The following PALLD variants were observed in gnomAD, a reference collection of about 807,000 sequenced individuals.
PALLD encodes palladin, cytoskeletal associated protein, also known as palladin.
A neutral mutation model predicts 123.5 loss-of-function variants in PALLD; 61 were observed. The observed-to-expected ratio is 0.49, with a 90% CI of 0.40 to 0.61. PALLD has a LOEUF of 0.61. Among genes scored for constraint, PALLD ranks in the 20% least tolerant of loss-of-function variants. The pLI is 0.00. For missense variants in PALLD, 1,273 were observed against 1,377.0 expected, an observed-to-expected ratio of 0.92 and a Z score of 1.20; for synonymous variants, 465 against 496.4, an observed-to-expected ratio of 0.94 and a Z score of 0.84.
At chr4:168,811,766 TCTCTCTCTCTCACA>T (rs1741161211) in intron 10 of PALLD, among the ~76,000 whole-genome samples, 8 of 94,394 alleles carry the variant, frequency 8.5e-5, no homozygotes, top group African/African-American at 3.0e-4. Flanking sequence ...TTTCTCTCTC[TCTCTCTCTCTCACA>T]CACACACACA....
At chr4:168,664,730 T>C (rs1779457760) in intron 2 of PALLD, among the ~76,000 whole-genome samples, 1 of 145,760 alleles carries the variant, frequency 6.9e-6, no homozygotes, top group Admixed American at 6.9e-5. Flanking sequence ...TCTATGTTGT[T>C]AAAATGTGGT....
Position 168,821,993 on chromosome 4 carries a change from A to G in PALLD, c.1965-68929A>G, listed in dbSNP as rs373830871. Reference sequence around the variant, plus strand: ...CCAACACCCATTTGAAGAGTTGCTGAAAGTTCTGTGCCAGGCCATGGTGGG... The same window carrying G: ...CCAACACCCATTTGAAGAGTTGCTGGAAGTTCTGTGCCAGGCCATGGTGGG... On this transcript the variant is annotated intron_variant, in intron 10 of 21. Coordinates refer to ENST00000505667, the MANE Select transcript of PALLD (RefSeq NM_001166108.2). Among the ~76,000 whole-genome samples, 45 of 152,164 alleles carry G rather than the reference A, an allele frequency of 3.0e-4. No individual in the cohort carries two copies. In the East Asian group the frequency reaches 8.3e-3, roughly 28 times the overall value.
At chr4:168,828,220 AG>A (rs1240336668) in intron 10 of PALLD, among the ~76,000 whole-genome samples, 1 of 152,212 alleles carries the variant, frequency 6.6e-6, no homozygotes, top group Non-Finnish European at 1.5e-5. Flanking sequence ...GAAAATCTCA[AG>A]TTTTGGTAAT....
chr4:168,600,021 GTACACACACATACATACATGTGTA>G (rs148665509), intron 2 of PALLD, among the ~76,000 whole-genome samples: 12 of 143,864 alleles, frequency 8.3e-5, no homozygotes, highest in East Asian at 3.9e-4. Flanking sequence ...ATACATGTGT[GTACACACACATACATACATGTGTA>G]TACACACATA....
At chr4:168,894,811 A>T in intron 12 of PALLD, 134 bp downstream of exon 12, 2 of 1,436,256 alleles carry the variant, frequency 1.4e-6, no homozygotes, top group Non-Finnish European at 9.4e-7. Context: ...TATTAATATC[A>T]TCAGTCAACC....
intron 10 of PALLD, among the ~76,000 whole-genome samples, chr4:168,764,707 C>G (rs1733425580): frequency 6.6e-6 from 1 of 152,068 alleles, no homozygotes; most frequent in Non-Finnish European, 1.5e-5. Flanking sequence ...TTCTCAGATT[C>G]AAAGATTCAT....
At chr4:168,685,095 G>A (rs1326876106) in intron 5 of PALLD, among the ~76,000 whole-genome samples, 1 of 152,138 alleles carries the variant, frequency 6.6e-6, no homozygotes, top group Non-Finnish European at 1.5e-5. Flanking sequence ...TTACCCTCCA[G>A]TGCCAATAGC....
At chr4:168,659,732 A>C (rs1778946871) in intron 2 of PALLD, among the ~76,000 whole-genome samples, 2 of 152,248 alleles carry the variant, frequency 1.3e-5, no homozygotes, top group South Asian at 4.1e-4. Context: ...AAACTTTATA[A>C]GCGTTATAAG....
At chr4:168,757,390 T>C (rs566255670) in intron 10 of PALLD, among the ~76,000 whole-genome samples, 30 of 152,214 alleles carry the variant, frequency 2.0e-4, no homozygotes, top group Non-Finnish European at 2.9e-4. Context: ...ATGTCCTAAA[T>C]ATGATGGTGT....
chr4:168,830,815 T>A (rs1394442342), intron 10 of PALLD, among the ~76,000 whole-genome samples: 1 of 152,198 alleles, frequency 6.6e-6, no homozygotes, highest in African/African-American at 2.4e-5. Flanking sequence ...AATGCTAGTG[T>A]TAGATATCAG....
rs192497699 is a variant in PALLD, at chr4:168,764,662, G to A, written c.1964+52739G>A. ...CAAACCCTTTCTAACAGGTGTCCAT[G>A]CGTTAGGCAAAAAGCCTTACAGCTT... On this transcript the variant is annotated intron_variant, in intron 10 of 21. Transcript: ENST00000505667. Among the ~76,000 whole-genome samples, 7 of 151,940 alleles carry A rather than the reference G, an allele frequency of 4.6e-5. No individual in the cohort carries two copies. The East Asian group carries it at 1.4e-3, about 29-fold the overall frequency.
At position 168,857,629 on chromosome 4, in the gene PALLD, C is replaced by T. The variant is rs115787432; in HGVS notation, c.1965-33293C>T. On this transcript the variant is annotated intron_variant, in intron 10 of 21. Coordinates refer to ENST00000505667, the MANE Select transcript of PALLD (RefSeq NM_001166108.2). Reference sequence around the variant, plus strand: ...ATCAGCTAGCGTGTTAATATGCTGACGGCTGAGAGCAAAAATAGATAACCT... The same window carrying T: ...ATCAGCTAGCGTGTTAATATGCTGATGGCTGAGAGCAAAAATAGATAACCT... 7.5e-3 allele frequency among the ~76,000 whole-genome samples: 1,145 copies of T among 152,284 alleles called. 18 individuals are homozygous for T. The highest frequency in any genetic ancestry group is 0.024 in the African/African-American group (990 of 41,550).
chr4:168,679,588 C>A (rs1452405488), intron 3 of PALLD, among the ~76,000 whole-genome samples: 2 of 143,228 alleles, frequency 1.4e-5, no homozygotes, highest in Non-Finnish European at 3.0e-5. Flanking sequence ...ACTGCGTATC[C>A]CCCTTACTTA....
intron 2 of PALLD, among the ~76,000 whole-genome samples, chr4:168,615,483 G>A (rs1044357758): frequency 6.6e-6 from 1 of 152,180 alleles, no homozygotes; most frequent in Non-Finnish European, 1.5e-5. Flanking sequence ...CCATTTAGTG[G>A]CAAAAGGAAT....
At chr4:168,891,205 C>T (rs891729296) in intron 11 of PALLD, 148 bp downstream of exon 11, 1 of 875,598 alleles carries the variant, frequency 1.1e-6, no homozygotes, top group African/African-American at 1.7e-5. Flanking sequence ...CTTTGTCACC[C>T]ATGCTGGAGT....
chr4:168,556,779 G>A (rs750333717), intron 2 of PALLD, among the ~76,000 whole-genome samples: 1 of 152,202 alleles, frequency 6.6e-6, no homozygotes, highest in Non-Finnish European at 1.5e-5. Flanking sequence ...AAAAAGATGG[G>A]AGGAAAAGTG....
intron 2 of PALLD, among the ~76,000 whole-genome samples, chr4:168,535,975 A>T (rs1461161151): frequency 6.6e-6 from 1 of 152,204 alleles, no homozygotes; most frequent in Non-Finnish European, 1.5e-5. Flanking sequence ...AACTCTCAGT[A>T]CCTTGGTGCC....
chr4:168,630,062 T>C (rs1177693632), intron 2 of PALLD, among the ~76,000 whole-genome samples: 1 of 152,294 alleles, frequency 6.6e-6, no homozygotes, highest in Admixed American at 6.5e-5. Context: ...CCCTCCAAAT[T>C]TTTCCTTCCT....
At chr4:168,768,707 T>C (rs1734009926) in intron 10 of PALLD, among the ~76,000 whole-genome samples, 1 of 152,242 alleles carries the variant, frequency 6.6e-6, no homozygotes, top group African/African-American at 2.4e-5. Flanking sequence ...GGAGTCTTGC[T>C]CTGTCACCAG....
Sources: allele counts gnomAD v4.1 joint callset (sites outside exome capture counted in the v4.1 genomes callset), GRCh38; gene constraint gnomAD v4.1.1; transcripts MANE v1.5; gene names NCBI Gene and HGNC (gene_info 2026-07-23, HGNC 2026-07-21).